CHRM3: variants seen among roughly 807,000 people sequenced by gnomAD.
CHRM3 encodes the protein cholinergic receptor muscarinic 3.
A neutral mutation model predicts 41.8 loss-of-function variants in CHRM3; 11 were observed. The observed-to-expected ratio is 0.26, with a 90% CI of 0.17 to 0.44. CHRM3 has a LOEUF of 0.44. Ranked by LOEUF, CHRM3 falls within the 20% of genes least tolerant of loss-of-function variation. The pLI is 1.00. For missense variants in CHRM3, 571 were observed against 745.4 expected, an observed-to-expected ratio of 0.77 and a Z score of 2.72; for synonymous variants, 297 against 301.4, an observed-to-expected ratio of 0.99 and a Z score of 0.15.
chr1:239,446,007 G>T (rs903979919), intron 1 of CHRM3, among the ~76,000 whole-genome samples: 2 of 151,532 alleles, frequency 1.3e-5, no homozygotes, highest in South Asian at 4.2e-4. Flanking sequence ...ACGCAATCTC[G>T]GCTCACTGCA....
intron 5 of CHRM3, among the ~76,000 whole-genome samples, chr1:239,751,065 TAAAAATA>T (rs768455792): frequency 3.3e-5 from 5 of 151,890 alleles, no homozygotes; most frequent in African/African-American, 7.3e-5. Flanking sequence ...CCGTCTCTAC[TAAAAATA>T]AAAAATAAAA....
intron 5 of CHRM3, among the ~76,000 whole-genome samples, chr1:239,702,164 G>A (rs1221148468): frequency 6.6e-6 from 1 of 152,056 alleles, no homozygotes; most frequent in Non-Finnish European, 1.5e-5. Context: ...CTGCTCTTTG[G>A]TTGACTTATT....
chr1:239,511,653 G>T (rs528278361), intron 2 of CHRM3, among the ~76,000 whole-genome samples: 5 of 152,260 alleles, frequency 3.3e-5, no homozygotes, highest in Admixed American at 6.5e-5. Flanking sequence ...TAAAGAGAAA[G>T]GTTTGGGGAC....
intron 1 of CHRM3, among the ~76,000 whole-genome samples, chr1:239,480,652 G>A (rs1243229736): frequency 6.7e-6 from 1 of 148,904 alleles, no homozygotes; most frequent in East Asian, 2.0e-4. Context: ...TGCCTCCCAG[G>A]TTCATGCCGT....
intron 2 of CHRM3, among the ~76,000 whole-genome samples, chr1:239,542,746 G>C (rs1658904930): frequency 6.6e-6 from 1 of 152,028 alleles, no homozygotes; most frequent in African/African-American, 2.4e-5. Context: ...CCACTTAGCG[G>C]CCTTCTTATT....
At position 239,817,711 on chromosome 1, in the gene CHRM3, C is replaced by G. The variant is rs548956631; in HGVS notation, c.-146-9541C>G. On this transcript the variant is annotated intron_variant, in intron 5 of 6. Transcript: ENST00000676153. ...AGTGCTCCCTCTACACACACACACA[C>G]TCGCACAGATCTCTAAGCTCAGACT... 3.9e-5 allele frequency among the ~76,000 whole-genome samples: 6 copies of G among 152,186 alleles called. No individual in the cohort carries two copies. The South Asian group carries it at 1.2e-3, about 32-fold the overall frequency.
At chr1:239,601,213 T>A (rs956155627) in intron 3 of CHRM3, among the ~76,000 whole-genome samples, 6 of 152,214 alleles carry the variant, frequency 3.9e-5, no homozygotes, top group Non-Finnish European at 7.3e-5. Flanking sequence ...CTTCTCCAGT[T>A]ACTTTGTTGA....
chr1:239,809,492 TG>T (rs1670943343), intron 5 of CHRM3, among the ~76,000 whole-genome samples: 1 of 151,910 alleles, frequency 6.6e-6, no homozygotes, highest in African/African-American at 2.4e-5. Context: ...GTTTTTTTAT[TG>T]TTTTTTGTTT....
At chr1:239,601,756 C>G (rs1343841199) in intron 3 of CHRM3, among the ~76,000 whole-genome samples, 1 of 152,052 alleles carries the variant, frequency 6.6e-6, no homozygotes, top group African/African-American at 2.4e-5. Flanking sequence ...TGTGGCTGCT[C>G]TTATAGTTGT....
chr1:239,727,481 A>G (rs577813544), intron 5 of CHRM3, among the ~76,000 whole-genome samples: 7 of 152,032 alleles, frequency 4.6e-5, no homozygotes, highest in Admixed American at 3.3e-4. Flanking sequence ...GCTTATTATG[A>G]ATTTGAAATC....
chr1:239,859,571 T>A lies in CHRM3; in HGVS notation c.-20+32193T>A, dbSNP rs143688792. ...CTGGGATTACAGGCATGCACTACGA[T>A]GCTCAGCTAATTTTTAGTATTTTTA... On this transcript the variant is annotated intron_variant, in intron 6 of 6. Transcript: ENST00000676153. Among the ~76,000 whole-genome samples the A allele has an allele frequency of 2.8e-3, 431 of 151,400 alleles. 2 individuals are homozygous for A. Among genetic ancestry groups the A allele is most frequent in the African/African-American group, 9.4e-3 (389 of 41,354 alleles).
chr1:239,751,762 A>G (rs1328791420), intron 5 of CHRM3, among the ~76,000 whole-genome samples: 1 of 152,180 alleles, frequency 6.6e-6, no homozygotes, highest in Non-Finnish European at 1.5e-5. Context: ...CTCATCTACA[A>G]AACAAGAACA....
chr1:239,787,761 A>G (rs1360762934), intron 5 of CHRM3, among the ~76,000 whole-genome samples: 2 of 152,174 alleles, frequency 1.3e-5, no homozygotes, highest in African/African-American at 4.8e-5. Flanking sequence ...AAGTTGTCCG[A>G]TCTTAGGCAA....
intron 5 of CHRM3, among the ~76,000 whole-genome samples, chr1:239,728,934 A>G (rs1663699963): frequency 6.6e-6 from 1 of 151,950 alleles, no homozygotes; most frequent in Non-Finnish European, 1.5e-5. Flanking sequence ...CAGTTCTCTA[A>G]GTGTAGTGTG....
At chr1:239,404,438 GAA>G (rs1458126604) in intron 1 of CHRM3, among the ~76,000 whole-genome samples, 10 of 120,406 alleles carry the variant, frequency 8.3e-5, no homozygotes, top group African/African-American at 1.8e-4. Flanking sequence ...AAGAAAGAAA[GAA>G]AGAAAGAAAG....
chr1:239,441,376 T>A (rs1222459923), intron 1 of CHRM3, among the ~76,000 whole-genome samples: 1 of 152,216 alleles, frequency 6.6e-6, no homozygotes, highest in East Asian at 1.9e-4. Context: ...CATCAGTATC[T>A]ACTAAGATGT....
chr1:239,881,402 G>A (rs1321999960), intron 6 of CHRM3, among the ~76,000 whole-genome samples: 1 of 151,484 alleles, frequency 6.6e-6, no homozygotes, highest in Non-Finnish European at 1.5e-5. Flanking sequence ...GAAAAGAAAG[G>A]GAAAGGAAAA....
At chr1:239,599,115 A>G (rs1250723565) in intron 3 of CHRM3, among the ~76,000 whole-genome samples, 1 of 152,142 alleles carries the variant, frequency 6.6e-6, no homozygotes, top group African/African-American at 2.4e-5. Flanking sequence ...ACGTAAGAGG[A>G]TAAAGGACTT....
chr1:239,401,909 T>A (rs1271944277), intron 1 of CHRM3, among the ~76,000 whole-genome samples: 2 of 152,144 alleles, frequency 1.3e-5, no homozygotes, highest in Non-Finnish European at 2.9e-5. Context: ...TAAGCCTGGA[T>A]CTTCTGACTC....
Sources: gnomAD v4.1 joint callset for allele counts (sites outside exome capture counted in the v4.1 genomes callset) on GRCh38, gnomAD v4.1.1 for gene constraint, MANE v1.5 for transcripts, NCBI Gene and HGNC (gene_info 2026-07-23, HGNC 2026-07-21) for gene names.